The following NR1H2 variants were observed in gnomAD, a reference collection of about 807,000 sequenced individuals.
NR1H2 encodes the protein nuclear receptor subfamily 1 group H member 2.
In NR1H2, 33 loss-of-function variants were observed where a neutral mutation model predicts 51.2. The observed-to-expected ratio is 0.64, with a 90% confidence interval of 0.49 to 0.86. NR1H2 has a LOEUF of 0.86. Among genes scored for constraint, NR1H2 ranks in the 40% least tolerant of loss-of-function variants. NR1H2 has a pLI of 0.00. For synonymous variants in NR1H2, 310 were observed against 264.3 expected, an observed-to-expected ratio of 1.17 and a Z score of -1.68; for missense variants, 592 against 639.9, an observed-to-expected ratio of 0.93 and a Z score of 0.81.
Position 50,383,284 on chromosome 19 carries a change from C to A in NR1H2, c.*682C>A, listed in dbSNP as rs57710095. On this transcript the variant is annotated 3_prime_UTR_variant, in exon 10 of 10. Transcript: ENST00000253727. The stretch of plus-strand genomic sequence containing the variant: ...TAAGTGAATGAGGGGACCTGGACTT[C>A]TGTCCGAACAACAAGTGTTTGCTGA... 2.0e-5 allele frequency among the ~76,000 whole-genome samples: 3 copies of A among 152,220 alleles called. No individual in the cohort carries two copies. The South Asian group carries it at 6.2e-4, about 31-fold the overall frequency.
rs748295727 is a variant in NR1H2 at position 50,381,957 on chromosome 19, G to GC, written c.1028-5dup. 7.1e-6 allele frequency: 11 copies of GC among 1,547,030 alleles called. No homozygotes were observed. In the Admixed American group the frequency reaches 2.0e-4, roughly 28 times the overall value. On this transcript the variant is annotated splice_polypyrimidine_tract_variant and intron_variant, in intron 8 of 9. Coordinates refer to ENST00000253727, the MANE Select transcript of NR1H2 (RefSeq NM_007121.7). Reference sequence around the variant, plus strand: ...CTGAGGGAGTCACGGGCTGCCTCCCGCCCCGCAGGCCTGCAGGTGGAGTTC... The same window carrying GC: ...CTGAGGGAGTCACGGGCTGCCTCCCGCCCCCGCAGGCCTGCAGGTGGAGTTC...
chr19:50,378,825 G>A, intron 6 of NR1H2, 29 bp downstream of exon 6: 1 of 1,604,098 alleles, frequency 6.2e-7, no homozygotes. Flanking sequence ...CCTTGAGTGT[G>A]ACGGTCCCAA....
chr19:50,381,803 C>T (rs1375527930), intron 8 of NR1H2, among the ~76,000 whole-genome samples, 163 bp from the exon 9 acceptor site: 1 of 152,250 alleles, frequency 6.6e-6, no homozygotes, highest in Non-Finnish European at 1.5e-5. Context: ...ACACCTACTA[C>T]ATGCCAGCAC....
rs190342535 is a variant in NR1H2, at chr19:50,379,475, A to G, written c.927+294A>G. On this transcript the variant is annotated intron_variant, in intron 7 of 9. Coordinates refer to ENST00000253727, the MANE Select transcript of NR1H2 (RefSeq NM_007121.7). Reference sequence around the variant, plus strand: ...GAGCACGTGCTGTATGCCAGGCTCTATTCCAAGTGTTGGCATATGGGGCAA... The same window carrying G: ...GAGCACGTGCTGTATGCCAGGCTCTGTTCCAAGTGTTGGCATATGGGGCAA... 2.0e-4 allele frequency among the ~76,000 whole-genome samples: 30 copies of G among 152,330 alleles called. 1 individual carries two copies. Among genetic ancestry groups the G allele is most frequent in the African/African-American group, 5.5e-4 (23 of 41,576 alleles).
At chr19:50,380,149 C>G (rs1420763621) in intron 8 of NR1H2, among the ~76,000 whole-genome samples, 1 of 152,022 alleles carries the variant, frequency 6.6e-6, no homozygotes, top group Non-Finnish European at 1.5e-5. Context: ...ACAGAGAAGA[C>G]CGTGTCTCTA....
At chr19:50,381,823 C>T (rs541762328) in intron 8 of NR1H2, 143 bp from the exon 9 acceptor site, 56 of 703,986 alleles carry the variant, frequency 8.0e-5, no homozygotes, top group African/African-American at 5.6e-4. Flanking sequence ...CTCATGGGCA[C>T]GGGGCACAGG....
rs1327543733 is a variant in NR1H2 at position 50,382,184 on chromosome 19, C to G, written c.1236+10C>G. The G allele has an allele frequency of 2.0e-6, 3 of 1,520,552 alleles. No homozygotes were observed. Among genetic ancestry groups the G allele is most frequent in the South Asian group, 1.2e-5 (1 of 82,362 alleles). The allele number at this position is 1,520,552 out of a possible 1,614,324, so 94.2% of individuals were successfully genotyped here. On this transcript the variant is annotated intron_variant, in intron 9 of 9. Transcript: ENST00000253727. ...CATCAAGAGGCCGCAGGTAGGGCCC[C>G]GCAGAGCCTCTGCGCAGAGCCAACT...
At chr19:50,378,086 C>T in intron 4 of NR1H2, 63 bp from the exon 5 acceptor site, 1 of 1,527,900 alleles carries the variant, frequency 6.5e-7, no homozygotes, top group Non-Finnish European at 8.9e-7. Context: ...CTCCTGTGGG[C>T]CCATCTCTCT....
chr19:50,380,596 G>A (rs568380580), intron 8 of NR1H2, among the ~76,000 whole-genome samples: 3 of 152,162 alleles, frequency 2.0e-5, no homozygotes, highest in Non-Finnish European at 2.9e-5. Context: ...CTCTTACTCC[G>A]GCCCTTTCAC....
intron 8 of NR1H2, 90 bp downstream of exon 8, chr19:50,379,969 C>T: frequency 3.5e-6 from 3 of 861,422 alleles, no homozygotes; most frequent in South Asian, 2.7e-5. Context: ...GTCTCTGTTT[C>T]TTTATCTCCA....
chr19:50,378,473 G>GC (rs1568594382), intron 5 of NR1H2, 34 bp downstream of exon 5: 10 of 1,572,104 alleles, frequency 6.4e-6, no homozygotes, highest in African/African-American at 1.3e-5. Context: ...TGCCGGCCTG[G>GC]CCCCCCGCCT....
rs748534825 is a variant in NR1H2, at chr19:50,377,615, C to T, written c.10C>T (p.Pro4Ser). Residue 4 changes from proline to serine, a missense_variant, in exon 3 of 10, where the codon CCT (proline) becomes TCT (serine). By Grantham distance (74) the Pro-to-Ser change is moderately conservative. Transcript: ENST00000253727. MSS[P>S]TTSSLDTPLP... is the part of the protein sequence containing the mutation. ...GCTCCGTGACCCCACCATGTCCTCT[C>T]CTACCACGAGTTCCCTGGATACCCC... 3 of 1,613,900 alleles carry T rather than the reference C, an allele frequency of 1.9e-6. No individual in the cohort carries two copies. Among genetic ancestry groups the T allele is most frequent in the South Asian group, 1.1e-5 (1 of 91,082 alleles).
rs981164943 is a variant in NR1H2, at chr19:50,382,670, C to A, written c.*68C>A. 2 of 1,477,752 alleles carry A rather than the reference C, an allele frequency of 1.4e-6. No homozygotes were observed. The highest frequency in any genetic ancestry group is 1.8e-6 in the Non-Finnish European group (2 of 1,112,930). 91.5% of individuals were successfully genotyped at this position (1,477,752 alleles called of 1,614,324 possible). ...CAGCAGATAGACGCCGGCACCCCTT[C>A]CTCTTCCTAGGGTGGAAGGGGCCCT... On this transcript the variant is annotated 3_prime_UTR_variant, in exon 10 of 10. Coordinates refer to ENST00000253727, the MANE Select transcript of NR1H2 (RefSeq NM_007121.7).
At chr19:50,377,353 G>T in intron 2 of NR1H2, 1 of 468,262 alleles carries the variant, frequency 2.1e-6, no homozygotes, top group Non-Finnish European at 3.7e-6. Context: ...AGGGGGCGGG[G>T]CCTACAGCAG....
At chr19:50,379,959 G>C in intron 8 of NR1H2, 80 bp downstream of exon 8, 1 of 928,874 alleles carries the variant, frequency 1.1e-6, no homozygotes, top group East Asian at 2.4e-5. Context: ...CCCTGTTGGA[G>C]TCTCTGTTTC....
At chr19:50,380,849 C>G (rs1399937919) in intron 8 of NR1H2, among the ~76,000 whole-genome samples, 1 of 152,182 alleles carries the variant, frequency 6.6e-6, no homozygotes, top group African/African-American at 2.4e-5. Flanking sequence ...GGAACACTGC[C>G]AGGGTCCCCT....
intron 7 of NR1H2, 73 bp downstream of exon 7, chr19:50,379,254 G>A: frequency 6.9e-7 from 1 of 1,458,030 alleles, no homozygotes; most frequent in South Asian, 1.3e-5. Flanking sequence ...AGTTAAGGAA[G>A]ACCAGTGCTT....
In NR1H2 at chr19:50,380,612, G is replaced by A. The variant is rs903736481; in HGVS notation, c.1027+733G>A. 7.2e-5 allele frequency among the ~76,000 whole-genome samples: 11 copies of A among 152,190 alleles called. No homozygotes were observed. The East Asian group carries it at 1.6e-3, about 21-fold the overall frequency. ...TCTTACTCCGGCCCTTTCACCACCC[G>A]AGACGGTCCCAGTAACCCTTTTAGT... On this transcript the variant is annotated intron_variant, in intron 8 of 9. Coordinates refer to ENST00000253727, the MANE Select transcript of NR1H2 (RefSeq NM_007121.7).
intron 7 of NR1H2, 121 bp from the exon 8 acceptor site, chr19:50,379,659 A>G (rs1039205452): frequency 1.6e-5 from 11 of 675,250 alleles, no homozygotes; most frequent in Admixed American, 4.2e-5. Flanking sequence ...CTGAGAGAAC[A>G]GGGGGGAAGG....
Sources: gnomAD v4.1 joint callset for allele counts (sites outside exome capture counted in the v4.1 genomes callset) on GRCh38, gnomAD v4.1.1 for gene constraint, MANE v1.5 for transcripts, NCBI Gene and HGNC (gene_info 2026-07-23, HGNC 2026-07-21) for gene names.